TPH2: variants seen among roughly 807,000 people sequenced by gnomAD.
The protein encoded by TPH2 is tryptophan 5-hydroxylase 2.
Under a neutral mutation model 59.1 loss-of-function variants are expected in TPH2, and 27 were observed. The observed-to-expected ratio is 0.46, with a 90% CI of 0.34 to 0.63. The LOEUF is 0.63. Among genes scored for constraint, TPH2 ranks in the 30% least tolerant of loss-of-function variants. The probability of loss-of-function intolerance (pLI) is 0.01; values close to 1 mark genes in which losing one functional copy is unlikely to be tolerated. For missense variants in TPH2, 523 were observed against 588.3 expected (o/e 0.89, Z 1.15); for synonymous variants, 220 against 210.5 (o/e 1.05, Z -0.39).
Position 72,031,290 on chromosome 12 carries a change from C to A in TPH2, c.1197C>A (p.Ala399=). The change falls in exon 10 of 11, where the codon GCC becomes GCA. Residue 399 remains alanine, a synonymous_variant. Coordinates refer to ENST00000333850, the MANE Select transcript of TPH2 (RefSeq NM_173353.4). The stretch of plus-strand genomic sequence containing the variant: ...TTTCTGACAAGGCATGTGTGAAAGC[C>A]TTTGACCCAAAGACAACTTGCTTAC... The part of the protein sequence containing the change: ...HALSDKACVK[A]FDPKTTCLQE... 2 of 1,613,620 alleles carry A rather than the reference C, an allele frequency of 1.2e-6. No individual in the cohort carries two copies. Among genetic ancestry groups the A allele is most frequent in the Non-Finnish European group, 1.7e-6 (2 of 1,179,624 alleles).
intron 8 of TPH2, among the ~76,000 whole-genome samples, chr12:72,018,504 A>G (rs979349970): frequency 1.3e-5 from 2 of 152,240 alleles, no homozygotes; most frequent in African/African-American, 4.8e-5. Flanking sequence ...GTTTTGGTTC[A>G]GATCATAAAT....
chr12:71,983,773 C>CAG (rs1262968211), intron 7 of TPH2, among the ~76,000 whole-genome samples: 22 of 147,802 alleles, frequency 1.5e-4, no homozygotes, highest in African/African-American at 3.0e-4. Context: ...GACAGACACA[C>CAG]ACAGAGAGAG....
intron 8 of TPH2, among the ~76,000 whole-genome samples, chr12:72,018,177 A>G (rs904433722): frequency 6.6e-6 from 1 of 152,148 alleles, no homozygotes; most frequent in Admixed American, 6.5e-5. Context: ...AACCAAAGGG[A>G]AAGGTAGATA....
chr12:71,940,950 C>T (rs948332578), intron 1 of TPH2, among the ~76,000 whole-genome samples: 1 of 152,048 alleles, frequency 6.6e-6, no homozygotes, highest in Non-Finnish European at 1.5e-5. Context: ...TTAATAGTCA[C>T]TTCTCAAATA....
chr12:71,969,570 A>T (rs1185685543), intron 5 of TPH2, among the ~76,000 whole-genome samples: 2 of 152,186 alleles, frequency 1.3e-5, no homozygotes, highest in Non-Finnish European at 2.9e-5. Context: ...TCTTACTGGG[A>T]AGGTTAAATG....
chr12:71,949,731 C>A, intron 5 of TPH2, 76 bp downstream of exon 5: 1 of 1,279,102 alleles, frequency 7.8e-7, no homozygotes, highest in Non-Finnish European at 1.1e-6. Flanking sequence ...AACCTGTCAT[C>A]TCTTCACTTT....
At chr12:71,973,694 C>T (rs1843811) in intron 6 of TPH2, among the ~76,000 whole-genome samples, 86,348 of 152,092 alleles carry the variant, frequency 0.57, 24,707 homozygotes, top group Middle Eastern at 0.61. Flanking sequence ...TTTCACTTTA[C>T]GGACTCACTC....
rs144545220 is a variant in TPH2, at chr12:71,955,044, T to C, written c.608+5389T>C. On this transcript the variant is annotated intron_variant, in intron 5 of 10. Coordinates refer to ENST00000333850, the MANE Select transcript of TPH2 (RefSeq NM_173353.4). The stretch of plus-strand genomic sequence containing the variant: ...ATGTTCTTCTCATGGGGCTGCTTCC[T>C]CTTTGATTTATTTATTTTTATCCAT... Among the ~76,000 whole-genome samples the C allele has an allele frequency of 2.8e-4, 42 of 152,342 alleles. 1 individual carries two copies. The East Asian group carries it at 8.1e-3, about 29-fold the overall frequency.
At chr12:72,007,053 C>G (rs574242767) in intron 8 of TPH2, among the ~76,000 whole-genome samples, 1 of 152,268 alleles carries the variant, frequency 6.6e-6, no homozygotes, top group Admixed American at 6.5e-5. Flanking sequence ...AATCCTCTAA[C>G]TTTCAACAAC....
chr12:71,970,888 T>C (rs17110532), intron 5 of TPH2, among the ~76,000 whole-genome samples: 28,380 of 152,270 alleles, frequency 0.19, 3,202 homozygotes, highest in East Asian at 0.34. Context: ...TGTGAATTTC[T>C]GTTTTTTTCT....
intron 5 of TPH2, among the ~76,000 whole-genome samples, chr12:71,969,350 C>T (rs73142538): frequency 0.19 from 28,359 of 152,148 alleles, 3,199 homozygotes; most frequent in East Asian, 0.34. Flanking sequence ...ACCAGGGCAC[C>T]CCTCTGGCTC....
intron 7 of TPH2, among the ~76,000 whole-genome samples, chr12:71,994,002 T>A (rs1030462989): frequency 3.3e-5 from 5 of 152,226 alleles, no homozygotes; most frequent in Admixed American, 6.5e-5. Flanking sequence ...TGGGCATGGC[T>A]ATATTCCAAT....
chr12:71,960,482 T>G (rs1009706393), intron 5 of TPH2, among the ~76,000 whole-genome samples: 3 of 152,232 alleles, frequency 2.0e-5, no homozygotes, highest in African/African-American at 7.2e-5. Context: ...ATCATTTTCA[T>G]GCCAAGTGTT....
At chr12:71,987,375 G>A (rs188370128) in intron 7 of TPH2, among the ~76,000 whole-genome samples, 6 of 152,198 alleles carry the variant, frequency 3.9e-5, no homozygotes, top group Admixed American at 6.5e-5. Context: ...ATACGAACAT[G>A]GCCTAATCTC....
At chr12:71,957,587 C>G (rs575976642) in intron 5 of TPH2, among the ~76,000 whole-genome samples, 1 of 151,956 alleles carries the variant, frequency 6.6e-6, no homozygotes, top group Non-Finnish European at 1.5e-5. Context: ...CCTCCTGCCT[C>G]GGCCTCCCAA....
chr12:71,979,196 C>A, intron 7 of TPH2, 109 bp downstream of exon 7: 2 of 1,451,688 alleles, frequency 1.4e-6, no homozygotes, highest in Non-Finnish European at 1.9e-6. Flanking sequence ...TTTCCTTGAG[C>A]TAGTGAGAGT....
At chr12:72,019,837 T>C (rs1341270674) in intron 8 of TPH2, among the ~76,000 whole-genome samples, 1 of 152,124 alleles carries the variant, frequency 6.6e-6, no homozygotes, top group Non-Finnish European at 1.5e-5. Flanking sequence ...TGTCACAGAA[T>C]AGATGAATGA....
At chr12:71,979,126 A>T (rs950602476) in intron 7 of TPH2, 39 bp downstream of exon 7, 10 of 1,613,186 alleles carry the variant, frequency 6.2e-6, no homozygotes, top group Non-Finnish European at 8.5e-6. Context: ...CCACACCATA[A>T]AGTGGTCAAT....
At chr12:71,955,066 C>T (rs1283318845) in intron 5 of TPH2, among the ~76,000 whole-genome samples, 2 of 152,076 alleles carry the variant, frequency 1.3e-5, no homozygotes, top group Non-Finnish European at 2.9e-5. Flanking sequence ...TTATTTTTAT[C>T]CATGGAATCT....
Sources: allele counts gnomAD v4.1 joint callset (sites outside exome capture counted in the v4.1 genomes callset), GRCh38; gene constraint gnomAD v4.1.1; transcripts MANE v1.5; gene names NCBI Gene and HGNC (gene_info 2026-07-23, HGNC 2026-07-21).